GLIS3: variants seen among roughly 807,000 people sequenced by gnomAD.
GLIS3 encodes GLIS family zinc finger 3.
A neutral mutation model predicts 78.6 loss-of-function variants in GLIS3; 53 were observed. The observed-to-expected ratio is 0.67, with a 90% CI of 0.54 to 0.85. The LOEUF is 0.85. Ranked by LOEUF, GLIS3 falls within the 40% of genes least tolerant of loss-of-function variation. GLIS3 has a pLI of 0.00. For missense variants in GLIS3, 1,703 were observed against 1,231.1 expected (o/e 1.38, Z -5.74); for synonymous variants, 684 against 509.9 (o/e 1.34, Z -4.60).
At chr9:4,278,426 G>C (rs1827222534) in intron 2 of GLIS3, among the ~76,000 whole-genome samples, 1 of 152,258 alleles carries the variant, frequency 6.6e-6, no homozygotes, top group Middle Eastern at 3.4e-3. Flanking sequence ...TACTTAATGG[G>C]AACATGTCAT....
At chr9:3,830,207 A>G (rs916941696) in intron 9 of GLIS3, among the ~76,000 whole-genome samples, 6 of 148,418 alleles carry the variant, frequency 4.0e-5, no homozygotes, top group Non-Finnish European at 9.1e-5. Context: ...TATTCCTTTC[A>G]ATTTTTTTTC....
chr9:4,314,252 A>G (rs142754500), intron 2 of GLIS3, among the ~76,000 whole-genome samples: 2 of 152,002 alleles, frequency 1.3e-5, no homozygotes, highest in African/African-American at 4.8e-5. Flanking sequence ...GTTGTTTTTT[A>G]TTAATGGCAG....
At chr9:3,898,974 T>C in intron 6 of GLIS3, 139 bp from the exon 7 acceptor site, 1 of 1,016,918 alleles carries the variant, frequency 9.8e-7, no homozygotes, top group South Asian at 1.4e-5. Flanking sequence ...GGCACAGAGC[T>C]TAACAGAGTG....
chr9:3,832,820 C>T (rs980466463), intron 9 of GLIS3, among the ~76,000 whole-genome samples: 2 of 152,194 alleles, frequency 1.3e-5, no homozygotes, highest in Non-Finnish European at 2.9e-5. Context: ...AGCGTAATAT[C>T]AACCTTCCAA....
rs569682873 is a variant in GLIS3 at position 4,241,166 on chromosome 9, T to C, written c.388+44872A>G. 3.3e-5 allele frequency among the ~76,000 whole-genome samples: 5 copies of C among 152,306 alleles called. No individual in the cohort carries two copies. The East Asian group carries it at 5.8e-4, about 18-fold the overall frequency. On this transcript the variant is annotated intron_variant, in intron 2 of 10. Transcript: ENST00000381971. Reference sequence around the variant, plus strand: ...GCACACTCTGAAATCTAAAGGTACATTCAACTCCAGACTGGATGAAGTGTG... The same window carrying C: ...GCACACTCTGAAATCTAAAGGTACACTCAACTCCAGACTGGATGAAGTGTG...
chr9:4,441,490 A>T, the GLIS3 span, among the ~76,000 whole-genome samples: 1 of 152,222 alleles, frequency 6.6e-6, no homozygotes, highest in African/African-American at 2.4e-5. Context: ...ATTCATCTTG[A>T]TCTCACTTGA....
intron 2 of GLIS3, among the ~76,000 whole-genome samples, chr9:4,189,601 G>C (rs533058901): frequency 1.3e-5 from 2 of 152,268 alleles, no homozygotes; most frequent in African/African-American, 4.8e-5. Context: ...GGGTGTTAAA[G>C]TCTCCCATTA....
chr9:4,235,753 C>A (rs1040690083), intron 2 of GLIS3, among the ~76,000 whole-genome samples: 1 of 152,242 alleles, frequency 6.6e-6, no homozygotes, highest in South Asian at 2.1e-4. Context: ...AAACCAAGAT[C>A]ATTATCATTT....
intron 2 of GLIS3, among the ~76,000 whole-genome samples, chr9:4,331,620 G>A (rs1817686589): frequency 6.6e-6 from 1 of 152,236 alleles, no homozygotes; most frequent in Non-Finnish European, 1.5e-5. Context: ...AGCGACAGCG[G>A]TCAGTGGTAA....
chr9:4,445,444 T>C, the GLIS3 span, among the ~76,000 whole-genome samples: 1 of 152,030 alleles, frequency 6.6e-6, no homozygotes, highest in African/African-American at 2.4e-5. Flanking sequence ...CTGGGCAACA[T>C]AGTGGGACCT....
intron 4 of GLIS3, among the ~76,000 whole-genome samples, chr9:4,031,011 G>A (rs188486637): frequency 1.3e-5 from 2 of 152,318 alleles, no homozygotes; most frequent in African/African-American, 4.8e-5. Flanking sequence ...TGTTGGCCAG[G>A]AAGTGGAGAA....
At chr9:4,085,968 C>G (rs547555241) in intron 4 of GLIS3, among the ~76,000 whole-genome samples, 1 of 152,232 alleles carries the variant, frequency 6.6e-6, no homozygotes, top group South Asian at 2.1e-4. Context: ...TTTATAGCAA[C>G]GCAAGAATGG....
chr9:4,001,131 T>C (rs2129914626), intron 4 of GLIS3, among the ~76,000 whole-genome samples: 1 of 152,328 alleles, frequency 6.6e-6, no homozygotes, highest in Admixed American at 6.5e-5. Context: ...GCTTGCAATC[T>C]AGTCATAGTC....
intron 2 of GLIS3, among the ~76,000 whole-genome samples, chr9:4,257,659 C>T (rs970332355): frequency 3.3e-5 from 5 of 151,818 alleles, no homozygotes; most frequent in Admixed American, 1.3e-4. Flanking sequence ...CTGCAAGCTC[C>T]GCCTCCCGGG....
At chr9:4,385,161 T>A in the GLIS3 span, among the ~76,000 whole-genome samples, 1 of 152,356 alleles carries the variant, frequency 6.6e-6, no homozygotes, top group South Asian at 2.1e-4. Flanking sequence ...TAGGATCTCA[T>A]GGGTTGCAGT....
chr9:4,357,997 TG>T, the GLIS3 span, among the ~76,000 whole-genome samples: 1 of 152,206 alleles, frequency 6.6e-6, no homozygotes, highest in African/African-American at 2.4e-5. Context: ...ATTATGCCTT[TG>T]TTTTTTAAAA....
intron 8 of GLIS3, among the ~76,000 whole-genome samples, chr9:3,861,835 G>A (rs529189052): frequency 1.3e-5 from 2 of 152,154 alleles, no homozygotes; most frequent in African/African-American, 4.8e-5. Context: ...TGCATGCGGG[G>A]CTTAATACTT....
chr9:3,873,657 AATAAAG>A (rs1163339481), intron 8 of GLIS3, among the ~76,000 whole-genome samples: 1 of 151,600 alleles, frequency 6.6e-6, no homozygotes, highest in Non-Finnish European at 1.5e-5. Flanking sequence ...ACAAAAATAA[AATAAAG>A]ATAAAAAATA....
At chr9:4,157,645 T>G (rs1835137283) in intron 2 of GLIS3, among the ~76,000 whole-genome samples, 2 of 152,218 alleles carry the variant, frequency 1.3e-5, no homozygotes, top group South Asian at 4.1e-4. Flanking sequence ...GTGCTTGACT[T>G]AAATATTCAA....
Sources: allele counts gnomAD v4.1 joint callset (sites outside exome capture counted in the v4.1 genomes callset), GRCh38; gene constraint gnomAD v4.1.1; transcripts MANE v1.5; gene names NCBI Gene and HGNC (gene_info 2026-07-23, HGNC 2026-07-21).